Variants in KPNA3 observed in about 807,000 individuals in gnomAD.
KPNA3 encodes karyopherin subunit alpha 3.
A neutral mutation model predicts 73.8 loss-of-function variants in KPNA3; 13 were observed. The observed-to-expected ratio is 0.18, with a 90% CI of 0.11 to 0.28. The LOEUF (loss-of-function observed/expected upper bound fraction) is 0.28, where lower values mean the gene tolerates loss of function less well. Ranked by LOEUF, KPNA3 falls within the 10% of genes least tolerant of loss-of-function variation. KPNA3 has a pLI of 1.00. For missense variants in KPNA3, 360 were observed against 618.1 expected, an observed-to-expected ratio of 0.58 and a Z score of 4.43; for synonymous variants, 186 against 206.9, an observed-to-expected ratio of 0.90 and a Z score of 0.87.
chr13:49,771,221 T>C (rs570624285), intron 1 of KPNA3, among the ~76,000 whole-genome samples: 1 of 152,166 alleles, frequency 6.6e-6, no homozygotes, highest in East Asian at 1.9e-4. Context: ...GGAAATTGCA[T>C]TGAATCTCTT....
intron 6 of KPNA3, among the ~76,000 whole-genome samples, chr13:49,727,899 C>T (rs1341473358): frequency 3.3e-5 from 5 of 152,018 alleles, no homozygotes; most frequent in Admixed American, 2.0e-4. Flanking sequence ...GGAAAATGCC[C>T]CCAAAGAAAT....
chr13:49,768,615 C>G (rs1473312736), intron 1 of KPNA3, among the ~76,000 whole-genome samples: 1 of 127,632 alleles, frequency 7.8e-6, no homozygotes, highest in Non-Finnish European at 1.6e-5. Context: ...ATTAGATATT[C>G]CTCTCCTGGC....
intron 6 of KPNA3, among the ~76,000 whole-genome samples, chr13:49,730,519 CAAAAAAAAAAAAAAAAAAAAAAA>C (rs55725741): frequency 2.2e-4 from 6 of 27,294 alleles, no homozygotes; most frequent in South Asian, 2.0e-3. Context: ...GACTCTGTCT[CAAAAAAAAAAAAAAAAAAAAAAA>C]AAAAAAAAAA....
chr13:49,761,213 C>T (rs1954756520), intron 1 of KPNA3, among the ~76,000 whole-genome samples: 1 of 151,822 alleles, frequency 6.6e-6, no homozygotes, highest in South Asian at 2.1e-4. Flanking sequence ...TCTCCCTCTC[C>T]CTCTCCCCAC....
chr13:49,789,316 C>A (rs1050755241), intron 1 of KPNA3, among the ~76,000 whole-genome samples: 1 of 152,126 alleles, frequency 6.6e-6, no homozygotes, highest in Admixed American at 6.6e-5. Context: ...AAGTTTGGTA[C>A]ATATTTCCTA....
At chr13:49,716,088 T>A (rs969260635) in intron 10 of KPNA3, among the ~76,000 whole-genome samples, 1 of 152,138 alleles carries the variant, frequency 6.6e-6, no homozygotes, top group African/African-American at 2.4e-5. Flanking sequence ...CATGACAATA[T>A]CTCAAAGGCT....
intron 1 of KPNA3, among the ~76,000 whole-genome samples, chr13:49,749,585 T>C (rs1954645335): frequency 6.6e-6 from 1 of 152,116 alleles, no homozygotes; most frequent in Admixed American, 6.5e-5. Flanking sequence ...GGTATCTGCT[T>C]AGGGTTGAAG....
At position 49,767,363 on chromosome 13, in the gene KPNA3, G is replaced by A. The variant is rs187815568; in HGVS notation, c.70-20370C>T. 6.8e-3 allele frequency among the ~76,000 whole-genome samples: 1,012 copies of A among 149,544 alleles called. 11 individuals are homozygous for A. The highest frequency in any genetic ancestry group is 0.023 in the African/African-American group (943 of 40,560). Reference sequence around the variant, plus strand: ...CAGGAGGTGGAGGTTGCAGTGAGCCGAGATCACGCCACTGCACTCCAGCCT... The same window carrying A: ...CAGGAGGTGGAGGTTGCAGTGAGCCAAGATCACGCCACTGCACTCCAGCCT... On this transcript the variant is annotated intron_variant, in intron 1 of 16. Coordinates refer to ENST00000261667, the MANE Select transcript of KPNA3 (RefSeq NM_002267.4).
chr13:49,755,745 C>G (rs554617736), intron 1 of KPNA3, among the ~76,000 whole-genome samples: 1 of 151,956 alleles, frequency 6.6e-6, no homozygotes, highest in Non-Finnish European at 1.5e-5. Flanking sequence ...GAGCCGAGAT[C>G]GTGCCACTGC....
chr13:49,710,868 A>T (rs1408089580), intron 11 of KPNA3, 23 bp downstream of exon 11: 1 of 1,606,296 alleles, frequency 6.2e-7, no homozygotes, highest in African/African-American at 1.3e-5. Context: ...GTATACAAAT[A>T]AGAAAAATTT....
At chr13:49,751,157 T>C (rs1272583269) in intron 1 of KPNA3, among the ~76,000 whole-genome samples, 2 of 152,202 alleles carry the variant, frequency 1.3e-5, no homozygotes, top group African/African-American at 4.8e-5. Flanking sequence ...AAACTCAGTA[T>C]GCTTAAAACT....
intron 10 of KPNA3, among the ~76,000 whole-genome samples, chr13:49,712,644 A>G (rs1365382561): frequency 6.6e-6 from 1 of 152,184 alleles, no homozygotes; most frequent in Non-Finnish European, 1.5e-5. Context: ...GGCAAAATAG[A>G]TAAGTCTAGA....
intron 1 of KPNA3, among the ~76,000 whole-genome samples, chr13:49,748,478 T>C (rs560957704): frequency 6.6e-6 from 1 of 152,224 alleles, no homozygotes; most frequent in East Asian, 1.9e-4. Flanking sequence ...ATGATCATGG[T>C]ATATTATTAT....
At chr13:49,775,810 A>G (rs888742151) in intron 1 of KPNA3, among the ~76,000 whole-genome samples, 2 of 152,224 alleles carry the variant, frequency 1.3e-5, no homozygotes, top group Admixed American at 6.5e-5. Flanking sequence ...CAATATTGAA[A>G]AAAGAGTTTG....
At chr13:49,723,963 C>A (rs1397673563) in intron 7 of KPNA3, among the ~76,000 whole-genome samples, 1 of 152,098 alleles carries the variant, frequency 6.6e-6, no homozygotes, top group Non-Finnish European at 1.5e-5. Context: ...ATTCCCCAAG[C>A]GGCAGGCAAC....
At chr13:49,753,290 C>A (rs1260641752) in intron 1 of KPNA3, among the ~76,000 whole-genome samples, 1 of 152,060 alleles carries the variant, frequency 6.6e-6, no homozygotes, top group East Asian at 1.9e-4. Context: ...AACTAACGGA[C>A]TTCCAAAAAG....
intron 3 of KPNA3, 43 bp downstream of exon 3, chr13:49,732,914 A>G (rs760160023): frequency 1.4e-6 from 2 of 1,433,588 alleles, no homozygotes; most frequent in Admixed American, 1.9e-5. Flanking sequence ...CACAGTTACT[A>G]TAAAAATTAT....
rs1127021 is a variant in KPNA3, at chr13:49,721,979, C to T, written c.702G>A (p.Pro234=). The change falls in exon 9 of 17, where the codon CCG becomes CCA. Residue 234 remains proline (P), a synonymous_variant. Coordinates refer to ENST00000261667, the MANE Select transcript of KPNA3 (RefSeq NM_002267.4). ...CCTCCTGAACTGTCTCCATAGGCGG[C>T]GGGGGATCCTTATTCCTGCAGAGAT... The part of the protein sequence containing the change: ...IVNLCRNKDP[P]PPMETVQEIL... 0.87 allele frequency: 1,396,203 copies of T among 1,599,346 alleles called. 610,590 individuals are homozygous for T. Among genetic ancestry groups the T allele is most frequent in the East Asian group, 1 (44,627 of 44,694 alleles).
intron 1 of KPNA3, among the ~76,000 whole-genome samples, chr13:49,784,739 G>C (rs77752537): frequency 6.6e-6 from 1 of 152,232 alleles, no homozygotes; most frequent in East Asian, 1.9e-4. Context: ...AAATACACAT[G>C]GGAAAAATTA....
Sources: gnomAD v4.1 joint callset for allele counts (sites outside exome capture counted in the v4.1 genomes callset) on GRCh38, gnomAD v4.1.1 for gene constraint, MANE v1.5 for transcripts, NCBI Gene and HGNC (gene_info 2026-07-23, HGNC 2026-07-21) for gene names.